PTPRD: variants seen among roughly 807,000 people sequenced by gnomAD.
PTPRD encodes the protein receptor-type tyrosine-protein phosphatase delta.
Under a neutral mutation model 214.5 loss-of-function variants are expected in PTPRD, and 34 were observed. The ratio of observed to expected loss-of-function variants is 0.16; its 90% CI spans 0.12 to 0.21. The LOEUF is 0.21. Among genes scored for constraint, PTPRD ranks in the 10% least tolerant of loss-of-function variants. The pLI is 1.00. For synonymous variants in PTPRD, 1,128 were observed against 845.7 expected, an observed-to-expected ratio of 1.33 and a Z score of -5.79; for missense variants, 2,545 against 2,398.7, an observed-to-expected ratio of 1.06 and a Z score of -1.27.
At chr9:8,875,035 C>T (rs1025195920) in intron 11 of PTPRD, among the ~76,000 whole-genome samples, 2 of 152,134 alleles carry the variant, frequency 1.3e-5, no homozygotes, top group Admixed American at 1.3e-4. Flanking sequence ...GAGTCTTCAA[C>T]CTGCACAACC....
At chr9:8,761,162 G>A (rs529455574) in intron 11 of PTPRD, among the ~76,000 whole-genome samples, 1 of 152,052 alleles carries the variant, frequency 6.6e-6, no homozygotes, top group Non-Finnish European at 1.5e-5. Context: ...TAAAAGATAA[G>A]CCAAAAACAT....
intron 5 of PTPRD, among the ~76,000 whole-genome samples, chr9:9,816,162 A>G (rs2048705060): frequency 6.6e-6 from 1 of 152,156 alleles, no homozygotes; most frequent in African/African-American, 2.4e-5. Flanking sequence ...ATAAAGCTGG[A>G]AAACAAAATA....
At chr9:8,642,261 T>C (rs2096593081) in intron 12 of PTPRD, among the ~76,000 whole-genome samples, 1 of 152,206 alleles carries the variant, frequency 6.6e-6, no homozygotes, top group Admixed American at 6.5e-5. Flanking sequence ...AAGCTGTTTC[T>C]TGTGGACATC....
intron 11 of PTPRD, among the ~76,000 whole-genome samples, chr9:8,876,224 G>GTGGTGTTGT (rs2098388213): frequency 6.6e-6 from 1 of 150,958 alleles, no homozygotes; most frequent in Non-Finnish European, 1.5e-5. Context: ...ATGTGTGTGT[G>GTGGTGTTGT]TGTTGTTGTT....
chr9:10,403,176 A>T (rs1284755423), intron 2 of PTPRD, among the ~76,000 whole-genome samples: 2 of 133,692 alleles, frequency 1.5e-5, no homozygotes, highest in Non-Finnish European at 3.2e-5. Context: ...GGCCTTAAGC[A>T]CTTTGTTTTT....
intron 2 of PTPRD, among the ~76,000 whole-genome samples, chr9:10,345,647 C>T (rs993060012): frequency 6.6e-6 from 1 of 152,166 alleles, no homozygotes; most frequent in Admixed American, 6.5e-5. Context: ...GCCACATTTT[C>T]TTTTTCCAGT....
intron 2 of PTPRD, among the ~76,000 whole-genome samples, chr9:10,405,623 C>T (rs10756035): frequency 0.82 from 124,271 of 151,500 alleles, 51,158 homozygotes; most frequent in East Asian, 0.88. Flanking sequence ...GTTTATACTG[C>T]GTAAAAATTA....
At chr9:8,689,850 G>A (rs1028232156) in intron 12 of PTPRD, among the ~76,000 whole-genome samples, 2 of 152,156 alleles carry the variant, frequency 1.3e-5, no homozygotes, top group Non-Finnish European at 2.9e-5. Context: ...GTTCATGCCT[G>A]TAATCCCAGC....
intron 2 of PTPRD, among the ~76,000 whole-genome samples, chr9:10,373,549 G>T (rs2097671522): frequency 6.6e-6 from 1 of 152,098 alleles, no homozygotes; most frequent in South Asian, 2.1e-4. Context: ...TGGATCATTA[G>T]TTAAGCTAAT....
intron 33 of PTPRD, among the ~76,000 whole-genome samples, chr9:8,455,278 T>A (rs1204775513): frequency 1.3e-5 from 2 of 152,204 alleles, no homozygotes; most frequent in Non-Finnish European, 2.9e-5. Context: ...GTTGGGCTAA[T>A]CCAGAAAAAC....
chr9:8,341,656 T>G (rs1340564919), intron 40 of PTPRD, 37 bp downstream of exon 40: 2 of 1,600,444 alleles, frequency 1.2e-6, no homozygotes, highest in Non-Finnish European at 1.7e-6. Context: ...CCAGAATGAC[T>G]TGCTCCTGAA....
intron 35 of PTPRD, among the ~76,000 whole-genome samples, chr9:8,417,278 G>T (rs1193668561): frequency 6.6e-6 from 1 of 152,022 alleles, no homozygotes; most frequent in Non-Finnish European, 1.5e-5. Flanking sequence ...CACATCTCAA[G>T]TTCTCCCTGG....
At chr9:9,112,576 G>C (rs2099807579) in intron 10 of PTPRD, among the ~76,000 whole-genome samples, 3 of 152,160 alleles carry the variant, frequency 2.0e-5, no homozygotes, top group Admixed American at 6.6e-5. Context: ...CTCCCTGAAA[G>C]CCTCTGGTGG....
chr9:10,500,162 C>T (rs926953058), intron 2 of PTPRD, among the ~76,000 whole-genome samples: 23 of 151,876 alleles, frequency 1.5e-4, no homozygotes, highest in African/African-American at 5.6e-4. Context: ...CTAGTTACAA[C>T]TTTCATGCAT....
chr9:10,576,716 A>C (rs2069492293), intron 2 of PTPRD, among the ~76,000 whole-genome samples: 2 of 152,178 alleles, frequency 1.3e-5, no homozygotes, highest in Admixed American at 6.5e-5. Flanking sequence ...CAGAGGATTC[A>C]ATATGCCATA....
At chr9:10,035,031 T>G (rs1264913047) in intron 3 of PTPRD, among the ~76,000 whole-genome samples, 1 of 152,202 alleles carries the variant, frequency 6.6e-6, no homozygotes, top group Non-Finnish European at 1.5e-5. Flanking sequence ...GTCTCCACAC[T>G]GTCTTCCACT....
At chr9:9,649,530 G>T (rs748454860) in intron 7 of PTPRD, among the ~76,000 whole-genome samples, 1 of 152,072 alleles carries the variant, frequency 6.6e-6, no homozygotes, top group African/African-American at 2.4e-5. Context: ...TGATAGATTA[G>T]TCTATATTAT....
At chr9:8,812,953 C>G (rs761980810) in intron 11 of PTPRD, among the ~76,000 whole-genome samples, 19 of 151,926 alleles carry the variant, frequency 1.3e-4, no homozygotes, top group Non-Finnish European at 2.6e-4. Context: ...AGGGAAGAAG[C>G]AAGACACAAT....
At chr9:8,462,134 A>C (rs1039448701) in intron 32 of PTPRD, among the ~76,000 whole-genome samples, 26 of 151,960 alleles carry the variant, frequency 1.7e-4, no homozygotes, top group African/African-American at 5.3e-4. Context: ...AGACCCCTAC[A>C]TATATGTTCA....
Sources: gnomAD v4.1 joint callset for allele counts (sites outside exome capture counted in the v4.1 genomes callset) on GRCh38, gnomAD v4.1.1 for gene constraint, MANE v1.5 for transcripts, NCBI Gene and HGNC (gene_info 2026-07-23, HGNC 2026-07-21) for gene names.